The following NEGR1 variants were observed in gnomAD, a reference collection of about 807,000 sequenced individuals.
The protein encoded by NEGR1 is neuronal growth regulator 1.
Under a neutral mutation model 40.9 loss-of-function variants are expected in NEGR1, and 10 were observed. The observed-to-expected ratio is 0.24, with a 90% CI of 0.15 to 0.42. The LOEUF (loss-of-function observed/expected upper bound fraction) is 0.42, where lower values mean the gene tolerates loss of function less well. Ranked by LOEUF, NEGR1 falls within the 10% of genes least tolerant of loss-of-function variation. The probability of loss-of-function intolerance (pLI) is 1.00; values close to 1 mark genes in which losing one functional copy is unlikely to be tolerated. For missense variants in NEGR1, 352 were observed against 438.9 expected (o/e 0.80, Z 1.77); for synonymous variants, 185 against 166.8 (o/e 1.11, Z -0.84).
At chr1:71,951,727 C>T (rs12094631) in intron 1 of NEGR1, among the ~76,000 whole-genome samples, 5,558 of 151,896 alleles carry the variant, frequency 0.037, 356 homozygotes, top group African/African-American at 0.13. Context: ...AGATATTCTG[C>T]TTTTTACAAG....
chr1:72,147,452 T>C (rs1470789452), intron 1 of NEGR1, among the ~76,000 whole-genome samples: 1 of 152,120 alleles, frequency 6.6e-6, no homozygotes, highest in Non-Finnish European at 1.5e-5. Flanking sequence ...TACCTACACC[T>C]AGGTCCCTCC....
intron 3 of NEGR1, among the ~76,000 whole-genome samples, chr1:71,724,218 A>G (rs895551603): frequency 6.6e-6 from 1 of 152,120 alleles, no homozygotes; most frequent in South Asian, 2.1e-4. Flanking sequence ...ATCTCCAAAT[A>G]TATTAAATTT....
At chr1:71,838,257 C>T (rs1002783639) in intron 2 of NEGR1, among the ~76,000 whole-genome samples, 4 of 152,122 alleles carry the variant, frequency 2.6e-5, no homozygotes, top group Admixed American at 6.6e-5. Context: ...CAAAGGCAAA[C>T]TGGCACTGCT....
At chr1:71,842,371 TG>T (rs1248282857) in intron 2 of NEGR1, among the ~76,000 whole-genome samples, 1 of 152,182 alleles carries the variant, frequency 6.6e-6, no homozygotes, top group East Asian at 1.9e-4. Flanking sequence ...AAACTCATCA[TG>T]GACAGCATCT....
rs371057218 is a variant in NEGR1, at chr1:71,746,743, TAC to T, written c.535+29427_535+29428del. 3.6e-3 allele frequency among the ~76,000 whole-genome samples: 531 copies of T among 148,984 alleles called. 4 individuals are homozygous for T. The highest frequency in any genetic ancestry group is 0.012 in the African/African-American group (495 of 40,002). On this transcript the variant is annotated intron_variant, in intron 3 of 6. Transcript: ENST00000357731. ...GTATACACACACATACACACACATG[TAC>T]ACACACACACGCGTACACACACACA...
chr1:71,829,394 G>C (rs1433283813), intron 2 of NEGR1, among the ~76,000 whole-genome samples: 1 of 151,862 alleles, frequency 6.6e-6, no homozygotes, highest in African/African-American at 2.4e-5. Context: ...CTATCAAACT[G>C]ATGAGGCAGA....
chr1:71,622,915 A>C (rs1373862884), intron 4 of NEGR1, among the ~76,000 whole-genome samples: 2 of 151,846 alleles, frequency 1.3e-5, no homozygotes, highest in African/African-American at 4.8e-5. Context: ...TCAGAATAAT[A>C]ACTGGATCTG....
intron 6 of NEGR1, among the ~76,000 whole-genome samples, chr1:71,554,351 T>G (rs1481457758): frequency 1.3e-5 from 2 of 151,482 alleles, no homozygotes; most frequent in Admixed American, 1.3e-4. Context: ...TTTTTTAGAA[T>G]GGAATATTAG....
intron 1 of NEGR1, among the ~76,000 whole-genome samples, chr1:71,960,432 T>G (rs1207636966): frequency 6.6e-6 from 1 of 152,170 alleles, no homozygotes; most frequent in African/African-American, 2.4e-5. Flanking sequence ...GGCCTTTAAA[T>G]GAAGGTTTAT....
At position 72,265,194 on chromosome 1, in the gene NEGR1, G is replaced by A. The variant is rs911663806; in HGVS notation, c.176+17125C>T. ...CTTTTTGTTTTAATTATGCATAACT[G>A]ATGATAGCTGTTTGCCTGTTTAACC... On this transcript the variant is annotated intron_variant, in intron 1 of 6. Coordinates refer to ENST00000357731, the MANE Select transcript of NEGR1 (RefSeq NM_173808.3). 2.7e-5 allele frequency among the ~76,000 whole-genome samples: 4 copies of A among 150,758 alleles called. No homozygotes were observed. The South Asian group carries it at 8.3e-4, about 31-fold the overall frequency.
chr1:71,835,740 C>A (rs1011859274), intron 2 of NEGR1, among the ~76,000 whole-genome samples: 6 of 152,068 alleles, frequency 3.9e-5, no homozygotes, highest in African/African-American at 1.4e-4. Context: ...AAGAAACAGT[C>A]TCTAGACTAT....
intron 2 of NEGR1, among the ~76,000 whole-genome samples, chr1:71,806,404 C>T (rs542093870): frequency 4.5e-4 from 69 of 151,888 alleles, no homozygotes; most frequent in Middle Eastern, 3.4e-3. Context: ...ATTTTTAATA[C>T]TGTAGTATAA....
intron 2 of NEGR1, among the ~76,000 whole-genome samples, chr1:71,924,302 T>C (rs929752548): frequency 3.3e-5 from 5 of 152,200 alleles, no homozygotes; most frequent in African/African-American, 1.2e-4. Context: ...AGGTGCAACA[T>C]TTAGCAAAGT....
chr1:72,249,304 T>C (rs1655007189), intron 1 of NEGR1, among the ~76,000 whole-genome samples: 1 of 152,248 alleles, frequency 6.6e-6, no homozygotes, highest in Non-Finnish European at 1.5e-5. Flanking sequence ...CTGTTAGAAA[T>C]AAATTTCTGC....
At chr1:71,766,717 G>A (rs1656145305) in intron 3 of NEGR1, among the ~76,000 whole-genome samples, 1 of 152,178 alleles carries the variant, frequency 6.6e-6, no homozygotes, top group Admixed American at 6.5e-5. Flanking sequence ...CAAGTCTCAT[G>A]TGGAATTGTA....
chr1:71,672,535 T>C (rs1222180373), intron 4 of NEGR1, among the ~76,000 whole-genome samples: 1 of 152,226 alleles, frequency 6.6e-6, no homozygotes, highest in African/African-American at 2.4e-5. Context: ...AATCAATAAA[T>C]GAAAGGGAAA....
At chr1:72,045,112 C>T (rs1179272136) in intron 1 of NEGR1, among the ~76,000 whole-genome samples, 5 of 151,764 alleles carry the variant, frequency 3.3e-5, no homozygotes, top group African/African-American at 7.2e-5. Context: ...ACCCACATAA[C>T]ATAGCTGCAT....
chr1:71,942,704 G>GT (rs1481243899), intron 1 of NEGR1, among the ~76,000 whole-genome samples: 1 of 140,374 alleles, frequency 7.1e-6, no homozygotes, highest in African/African-American at 2.6e-5. Flanking sequence ...GGGTTTCACC[G>GT]TTTTAGCCGG....
At chr1:71,708,596 G>T (rs1285621379) in intron 3 of NEGR1, among the ~76,000 whole-genome samples, 2 of 132,780 alleles carry the variant, frequency 1.5e-5, no homozygotes, top group Non-Finnish European at 3.4e-5. Flanking sequence ...ATATTACAGA[G>T]TTTTTATTTT....
Sources: gnomAD v4.1 joint callset for allele counts (sites outside exome capture counted in the v4.1 genomes callset) on GRCh38, gnomAD v4.1.1 for gene constraint, MANE v1.5 for transcripts, NCBI Gene and HGNC (gene_info 2026-07-23, HGNC 2026-07-21) for gene names.